Variants in CHAF1A observed in about 807,000 individuals in gnomAD.
CHAF1A encodes chromatin assembly factor 1 subunit A.
A neutral mutation model predicts 93.2 loss-of-function variants in CHAF1A; 5 were observed. That is an observed-to-expected ratio of 0.05 (90% CI 0.03 to 0.11). CHAF1A has a LOEUF of 0.11. CHAF1A is among the 10% of genes least tolerant of loss of function. CHAF1A has a pLI of 1.00. For missense variants in CHAF1A, 1,102 were observed against 1,259.9 expected, an observed-to-expected ratio of 0.87 and a Z score of 1.90; for synonymous variants, 504 against 510.3, an observed-to-expected ratio of 0.99 and a Z score of 0.17.
rs778100682 is a variant in CHAF1A at position 4,408,461 on chromosome 19, C to CTT, written c.104-413_104-412dup. On this transcript the variant is annotated intron_variant, in intron 2 of 14. Transcript: ENST00000301280. ...CCTGCCTTGGCCTCCCGCACCCGGC[C>CTT]TTTTTTTTTTTTTTTTTTTTTTTTT... 6.4e-3 allele frequency among the ~76,000 whole-genome samples: 229 copies of CTT among 36,010 alleles called. 57 individuals are homozygous for CTT. The highest frequency in any genetic ancestry group is 0.017 in the African/African-American group (103 of 5,960). 23.6% of individuals were successfully genotyped at this position (36,010 alleles called of 152,430 possible).
At chr19:4,447,954 G>A (rs1568189952), downstream of CHAF1A, 6 of 495,870 alleles carry the variant, frequency 1.2e-5, no homozygotes, top group East Asian at 7.2e-5. Context: ...AGTGCCAGCA[G>A]GGGGCTCCTG....
At chr19:4,442,533 C>T (rs1248713148) in intron 14 of CHAF1A, among the ~76,000 whole-genome samples, 192 bp downstream of exon 14, 2 of 152,148 alleles carry the variant, frequency 1.3e-5, no homozygotes, top group African/African-American at 4.8e-5. Context: ...TGCCAGGCAT[C>T]GTTCTGGCCG....
At chr19:4,404,361 T>C (rs1973642673) in intron 1 of CHAF1A, among the ~76,000 whole-genome samples, 1 of 152,188 alleles carries the variant, frequency 6.6e-6, no homozygotes, top group African/African-American at 2.4e-5. Flanking sequence ...AATGAGGTTG[T>C]TTCTGTTCCA....
chr19:4,412,873 G>C (rs182863764), intron 3 of CHAF1A, among the ~76,000 whole-genome samples: 12 of 152,312 alleles, frequency 7.9e-5, no homozygotes, highest in African/African-American at 2.6e-4. Flanking sequence ...ACAACCACCC[G>C]CAGAGGGCCT....
At position 4,402,833 on chromosome 19, in the gene CHAF1A, C is replaced by T; in HGVS notation, c.52+19C>T. On this transcript the variant is annotated intron_variant, in intron 1 of 14. Transcript: ENST00000301280. ...GCCACAGGTCGGTTCGGGCCCGCGC[C>T]GAGGGGAAGGGGGGGCGCGGCGCGC... The T allele has an allele frequency of 8.4e-7, 1 of 1,197,286 alleles. No individual in the cohort carries two copies. Among genetic ancestry groups the T allele is most frequent in the Non-Finnish European group, 1.0e-6 (1 of 964,462 alleles). 74.2% of individuals were successfully genotyped at this position (1,197,286 alleles called of 1,614,324 possible). A position where few individuals can be genotyped will look rare whatever the true frequency, so the allele number is the denominator to read the frequency against.
At chr19:4,447,854 C>T (rs897287029), downstream of CHAF1A, 12 of 565,908 alleles carry the variant, frequency 2.1e-5, no homozygotes, top group South Asian at 3.9e-5. Flanking sequence ...AACCCCTCAC[C>T]GTCCCACCAG....
Position 4,409,412 on chromosome 19 carries a change from C to CGGAGCTGCCCGGAGCTGA in CHAF1A, c.614_631dup (p.Arg205_Leu210dup). 1 of 1,614,106 alleles carries CGGAGCTGCCCGGAGCTGA rather than the reference C, an allele frequency of 6.2e-7. No homozygotes were observed. The highest frequency in any genetic ancestry group is 2.2e-5 in the East Asian group (1 of 44,872). On this transcript the variant is annotated inframe_insertion, in exon 3 of 15. Transcript: ENST00000301280. ...AGGCGACTCCCAGGAATGTTCGCCA[C>CGGAGCTGCCCGGAGCTGA]GGAGCTGCCCGGAGCTGACGAGTGG...
chr19:4,420,264 A>C (rs905426540), intron 4 of CHAF1A, among the ~76,000 whole-genome samples: 12 of 150,640 alleles, frequency 8.0e-5, no homozygotes, highest in African/African-American at 2.7e-4. Context: ...TTTTATTTTG[A>C]GACAGTCTCG....
At chr19:4,417,849 CTT>C (rs1463938639) in intron 3 of CHAF1A, among the ~76,000 whole-genome samples, 169 bp from the exon 4 acceptor site, 1 of 152,286 alleles carries the variant, frequency 6.6e-6, no homozygotes, top group East Asian at 1.9e-4. Flanking sequence ...CGTAGTCTCT[CTT>C]GTTATCTAAT....
At chr19:4,408,019 C>CTT (rs368460265) in intron 2 of CHAF1A, among the ~76,000 whole-genome samples, 1 of 150,120 alleles carries the variant, frequency 6.7e-6, no homozygotes, top group Non-Finnish European at 1.5e-5. Context: ...CCCACCCCCT[C>CTT]TTTTTTTTTG....
In CHAF1A at chr19:4,433,666, T is replaced by C; in HGVS notation, c.2673+127T>C. 1 of 742,586 alleles carries C rather than the reference T, an allele frequency of 1.3e-6. No homozygotes were observed. The highest frequency in any genetic ancestry group is 2.0e-5 in the South Asian group (1 of 50,460). The allele number at this position is 742,586 out of a possible 1,614,324, so 46.0% of individuals were successfully genotyped here. ...CCCAGGCTGGAGTGCAGTGGCGCAA[T>C]CTCAGCTCACTGCAACCTCCTCCCT... is the stretch of plus-strand genomic sequence containing the variant. On this transcript the variant is annotated intron_variant, in intron 13 of 14. Coordinates refer to ENST00000301280, the MANE Select transcript of CHAF1A (RefSeq NM_005483.3). The surrounding 1 kb of genome is among the most constrained non-coding windows in gnomAD (Gnocchi z 5.6).
downstream of CHAF1A, chr19:4,448,586 G>T: frequency 3.2e-6 from 2 of 628,092 alleles, no homozygotes; most frequent in South Asian, 1.9e-5. Flanking sequence ...CCGCAGCCCT[G>T]CCCACGCCCC....
chr19:4,405,685 C>T (rs1007921083), intron 1 of CHAF1A, among the ~76,000 whole-genome samples: 10 of 150,948 alleles, frequency 6.6e-5, no homozygotes, highest in African/African-American at 2.0e-4. Flanking sequence ...CATTGTGGGA[C>T]ATTTAGCAGA....
intron 13 of CHAF1A, among the ~76,000 whole-genome samples, chr19:4,437,039 C>T (rs1053725802): frequency 3.3e-5 from 5 of 152,184 alleles, no homozygotes; most frequent in African/African-American, 7.2e-5. Context: ...AGCATCTCAC[C>T]TGCTAATGGA....
chr19:4,421,270 C>T (rs1973986494), intron 4 of CHAF1A, among the ~76,000 whole-genome samples: 1 of 151,878 alleles, frequency 6.6e-6, no homozygotes, highest in South Asian at 2.1e-4. Context: ...CTTGGGGTTT[C>T]ACCTTCTTGG....
chr19:4,420,671 G>A (rs1248505753), intron 4 of CHAF1A, among the ~76,000 whole-genome samples: 1 of 152,250 alleles, frequency 6.6e-6, no homozygotes, highest in African/African-American at 2.4e-5. Flanking sequence ...GCTGGGCGTA[G>A]TGGCTCGCCC....
intron 13 of CHAF1A, among the ~76,000 whole-genome samples, chr19:4,439,566 T>C (rs1426641205): frequency 6.6e-6 from 1 of 152,200 alleles, no homozygotes; most frequent in African/African-American, 2.4e-5. Context: ...AAAAGCCTAA[T>C]GTGTCAACGC....
rs752206987 is a variant in CHAF1A, at chr19:4,428,868, C to T, written c.1582C>T (p.Arg528Trp). The T allele has an allele frequency of 7.1e-5, 114 of 1,613,608 alleles. No individual in the cohort carries two copies. The highest frequency in any genetic ancestry group is 4.9e-4 in the Middle Eastern group (3 of 6,084). ...GTCCGGACCCACGCACGTTTCCACC[C>T]GGAATGCAGATATTTTTAACAGGTC... ...LRSGPTHVST[R>W]NADIFNSDVV... The change falls in exon 8 of 15, where the codon CGG becomes TGG. Residue 528 changes from arginine to tryptophan, a missense_variant. By Grantham distance (101) the Arg-to-Trp change is moderately radical. Coordinates refer to ENST00000301280, the MANE Select transcript of CHAF1A (RefSeq NM_005483.3).
chr19:4,424,982 C>T (rs1974055304), intron 7 of CHAF1A, among the ~76,000 whole-genome samples: 2 of 152,220 alleles, frequency 1.3e-5, no homozygotes, highest in South Asian at 4.1e-4. Flanking sequence ...CTATGTTGCC[C>T]AGGCTGGTCT....
Sources: allele counts gnomAD v4.1 joint callset (sites outside exome capture counted in the v4.1 genomes callset), GRCh38; gene constraint gnomAD v4.1.1; non-coding constraint Gnocchi (gnomAD v3.1); transcripts MANE v1.5; gene names NCBI Gene and HGNC (gene_info 2026-07-23, HGNC 2026-07-21).